Variants in DLG1 observed in about 807,000 individuals in gnomAD.
DLG1 encodes the protein disks large homolog 1.
A neutral mutation model predicts 123.4 loss-of-function variants in DLG1; 42 were observed. The observed-to-expected ratio is 0.34, with a 90% CI of 0.27 to 0.44. The LOEUF (loss-of-function observed/expected upper bound fraction) is 0.44, where lower values mean the gene tolerates loss of function less well. Among genes scored for constraint, DLG1 ranks in the 20% least tolerant of loss-of-function variants. The pLI, the probability that DLG1 is intolerant of heterozygous loss-of-function variation, is 1.00. For synonymous variants in DLG1, 317 were observed against 356.2 expected (o/e 0.89, Z 1.24); for missense variants, 942 against 1,082.6 (o/e 0.87, Z 1.82).
chr3:197,076,379 T>A (rs778256139), intron 18 of DLG1, among the ~76,000 whole-genome samples: 11 of 152,262 alleles, frequency 7.2e-5, no homozygotes, highest in East Asian at 1.9e-4. Context: ...AACTGAAAAA[T>A]AATGTTTGCT....
intron 4 of DLG1, among the ~76,000 whole-genome samples, chr3:197,219,074 T>C (rs1294065881): frequency 6.6e-6 from 1 of 150,980 alleles, no homozygotes; most frequent in Non-Finnish European, 1.5e-5. Flanking sequence ...GAGGTTGCGG[T>C]GGGCCGAGAT....
chr3:197,139,712 T>G (rs1787017499), intron 8 of DLG1, among the ~76,000 whole-genome samples: 1 of 152,236 alleles, frequency 6.6e-6, no homozygotes, highest in Non-Finnish European at 1.5e-5. Context: ...CTCCGTATCT[T>G]AAATAAGTTT....
At chr3:197,093,361 G>A (rs916234130) in intron 14 of DLG1, among the ~76,000 whole-genome samples, 2 of 152,082 alleles carry the variant, frequency 1.3e-5, no homozygotes, top group African/African-American at 4.8e-5. Context: ...GTTTCACCAT[G>A]TTGGCCAGGA....
At chr3:197,267,400 CTT>C (rs1762138636) in intron 4 of DLG1, among the ~76,000 whole-genome samples, 1 of 152,158 alleles carries the variant, frequency 6.6e-6, no homozygotes. Context: ...TCTATAATCT[CTT>C]TTTCCATCTT....
chr3:197,140,130 C>A lies in DLG1; in HGVS notation c.713+10G>T. On this transcript the variant is annotated intron_variant, in intron 8 of 24. Transcript: ENST00000667157. The stretch of plus-strand genomic sequence containing the variant: ...GGATTCAGCATCACAATAAAAAGCG[C>A]AAAACATACCGCAATCTTCCATCTT... 1 of 1,611,024 alleles carries A rather than the reference C, an allele frequency of 6.2e-7. No homozygotes were observed. The highest frequency in any genetic ancestry group is 8.5e-7 in the Non-Finnish European group (1 of 1,178,398).
intron 23 of DLG1, among the ~76,000 whole-genome samples, chr3:197,059,388 A>G (rs1479201367): frequency 6.6e-6 from 1 of 152,018 alleles, no homozygotes; most frequent in Non-Finnish European, 1.5e-5. Context: ...AGCCACATAT[A>G]ATTTACTTTT....
rs181632985 is a variant in DLG1 at position 197,149,858 on chromosome 3, A to G, written c.484-62T>C. 8.2e-6 allele frequency: 8 copies of G among 974,352 alleles called. No individual in the cohort carries two copies. In the East Asian group the frequency reaches 2.0e-4, roughly 24 times the overall value. 60.4% of individuals were successfully genotyped at this position (974,352 alleles called of 1,614,324 possible). A position where few individuals can be genotyped will look rare whatever the true frequency, so the allele number is the denominator to read the frequency against. On this transcript the variant is annotated intron_variant, in intron 5 of 24. Coordinates refer to ENST00000667157, the MANE Select transcript of DLG1 (RefSeq NM_001366207.1). ...TAAAACATTACATGTTCATGTTCAC[A>G]ATGTTAGAGGCATAGGAAAGACTTG... is the stretch of plus-strand genomic sequence containing the variant.
At chr3:197,236,846 A>T (rs998424167) in intron 4 of DLG1, among the ~76,000 whole-genome samples, 4 of 152,218 alleles carry the variant, frequency 2.6e-5, no homozygotes, top group Admixed American at 2.6e-4. Context: ...AAGAATATTC[A>T]TCTTTCAAAA....
At chr3:197,152,762 CAA>C (rs63446260) in intron 5 of DLG1, among the ~76,000 whole-genome samples, 908 of 52,452 alleles carry the variant, frequency 0.017, 3 homozygotes, top group Non-Finnish European at 0.023. Flanking sequence ...GACTCTGTCT[CAA>C]AAAAAAAAAA....
At chr3:197,112,583 GT>G (rs1330979695) in intron 13 of DLG1, among the ~76,000 whole-genome samples, 2 of 151,692 alleles carry the variant, frequency 1.3e-5, no homozygotes, top group African/African-American at 2.4e-5. Flanking sequence ...TGCCTATTTG[GT>G]TTTTTTCTTT....
chr3:197,249,022 A>G (rs904716646), intron 4 of DLG1, among the ~76,000 whole-genome samples: 2 of 152,208 alleles, frequency 1.3e-5, no homozygotes, highest in Admixed American at 6.5e-5. Context: ...GAAATAATGC[A>G]CCTGAAGGAA....
chr3:197,231,708 A>AAAC (rs1554034982), intron 4 of DLG1, among the ~76,000 whole-genome samples: 9 of 144,148 alleles, frequency 6.2e-5, no homozygotes, highest in Admixed American at 3.5e-4. Context: ...AAAAAAAAAA[A>AAAC]AACAACAAAA....
chr3:197,113,291 T>G (rs570181848), intron 13 of DLG1, among the ~76,000 whole-genome samples: 1 of 152,186 alleles, frequency 6.6e-6, no homozygotes, highest in African/African-American at 2.4e-5. Flanking sequence ...CTATACAACA[T>G]GAAGTAAGAA....
chr3:197,168,477 A>T (rs1027669245), intron 5 of DLG1, among the ~76,000 whole-genome samples: 9 of 152,244 alleles, frequency 5.9e-5, no homozygotes, highest in Non-Finnish European at 1.2e-4. Flanking sequence ...CAAAGATATC[A>T]GATCTGATCA....
At chr3:197,279,190 C>A (rs1041759600) in intron 4 of DLG1, among the ~76,000 whole-genome samples, 1 of 152,166 alleles carries the variant, frequency 6.6e-6, no homozygotes, top group African/African-American at 2.4e-5. Flanking sequence ...TGAAAGGGAA[C>A]ATGCTTACTT....
At chr3:197,158,233 C>G (rs1222161569) in intron 5 of DLG1, among the ~76,000 whole-genome samples, 1 of 152,078 alleles carries the variant, frequency 6.6e-6, no homozygotes, top group East Asian at 1.9e-4. Flanking sequence ...CACCTCACAC[C>G]CACTAGCCTG....
Position 197,194,432 on chromosome 3 carries a change from G to T in DLG1, c.476C>A (p.Pro159Gln). ...AAATAGATACTATCCTACCTTTATT[G>T]GTGAAATATGAGAATGAGAAACAAA... ...HGFVSHSHIS[P>Q]IKANPPPVLV... The change falls in exon 5 of 25, where the codon CCA becomes CAA. Residue 159 changes from proline to glutamine, a missense_variant. By Grantham distance (76) the Pro-to-Gln change is moderately conservative. Transcript: ENST00000667157. 6.3e-7 allele frequency: 1 copy of T among 1,581,878 alleles called. No homozygotes were observed. Among genetic ancestry groups the T allele is most frequent in the South Asian group, 1.2e-5 (1 of 86,294 alleles).
intron 5 of DLG1, among the ~76,000 whole-genome samples, chr3:197,168,605 C>T (rs1802537566): frequency 6.6e-6 from 1 of 152,126 alleles, no homozygotes. Context: ...CAGCAATATA[C>T]AGTAACCATT....
At chr3:197,232,263 G>A (rs777308190) in intron 4 of DLG1, among the ~76,000 whole-genome samples, 1 of 151,586 alleles carries the variant, frequency 6.6e-6, no homozygotes, top group African/African-American at 2.4e-5. Context: ...CACTTTGGGA[G>A]GCTGAGGGGG....
Sources: gnomAD v4.1 joint callset for allele counts (sites outside exome capture counted in the v4.1 genomes callset) on GRCh38, gnomAD v4.1.1 for gene constraint, MANE v1.5 for transcripts, NCBI Gene and HGNC (gene_info 2026-07-23, HGNC 2026-07-21) for gene names.